PHF8: variants seen among roughly 807,000 people sequenced by gnomAD.
PHF8 encodes histone lysine demethylase PHF8.
In PHF8, 9 loss-of-function variants were observed where a neutral mutation model predicts 74.4. That is an observed-to-expected ratio of 0.12 (90% CI 0.07 to 0.21). PHF8 has a LOEUF of 0.21. Ranked by LOEUF, PHF8 falls within the 10% of genes least tolerant of loss-of-function variation. PHF8 has a pLI of 1.00. For missense variants in PHF8, 478 were observed against 816.6 expected (o/e 0.59, Z 5.05); for synonymous variants, 311 against 316.6 (o/e 0.98, Z 0.19).
At chrX:53,980,951 G>A (rs1353193738) in intron 18 of PHF8, among the ~76,000 whole-genome samples, 2 of 112,780 alleles carry the variant, frequency 1.8e-5, no homozygotes, top group Non-Finnish European at 3.7e-5. Context: ...GGTGGCTCGC[G>A]CCTGTAATCC....
intron 4 of PHF8, among the ~76,000 whole-genome samples, chrX:54,020,777 TA>T (rs56114966): frequency 1.5e-4 from 15 of 103,254 alleles, no homozygotes; most frequent in Non-Finnish European, 1.6e-4. Context: ...TGAAAAGAAG[TA>T]AAAAAAAAAA....
At chrX:53,964,798 C>T (rs1372266877) in intron 18 of PHF8, among the ~76,000 whole-genome samples, 9 of 101,580 alleles carry the variant, frequency 8.9e-5, no homozygotes, top group Middle Eastern at 4.8e-3. Context: ...ACCTTGGAGG[C>T]GGAGGTTGCA....
chrX:54,042,107 A>G (rs782208398), intron 2 of PHF8, among the ~76,000 whole-genome samples: 19 of 110,904 alleles, frequency 1.7e-4, no homozygotes, highest in Admixed American at 1.6e-3. Flanking sequence ...GTTCCAGACC[A>G]GCCTGATCAA....
intron 4 of PHF8, among the ~76,000 whole-genome samples, chrX:54,019,705 T>C (rs1161130755): frequency 7.8e-5 from 8 of 102,849 alleles, no homozygotes; most frequent in Non-Finnish European, 9.9e-5. Flanking sequence ...GCAGAATTGC[T>C]TGAACCCAGG....
At chrX:53,966,887 C>T (rs1239338528) in intron 18 of PHF8, among the ~76,000 whole-genome samples, 1 of 110,548 alleles carries the variant, frequency 9.0e-6, no homozygotes, top group East Asian at 2.9e-4. Flanking sequence ...CCCCGCCGCC[C>T]CGTCTGGGAT....
intron 18 of PHF8, 41 bp downstream of exon 18, chrX:53,984,873 G>A (rs1557098991): frequency 1.9e-6 from 2 of 1,051,750 alleles, no homozygotes; most frequent in Non-Finnish European, 2.7e-6. Flanking sequence ...GGACTGAGGA[G>A]ACCCCTTCTG....
chrX:54,038,249 G>C (rs1156892981), intron 2 of PHF8, among the ~76,000 whole-genome samples: 1 of 111,792 alleles, frequency 8.9e-6, no homozygotes, highest in Non-Finnish European at 1.9e-5. Flanking sequence ...CTTTAAAAAA[G>C]GTCGTTCCTC....
chrX:54,034,608 A>C (rs1439810356), intron 2 of PHF8, among the ~76,000 whole-genome samples: 1 of 110,128 alleles, frequency 9.1e-6, no homozygotes, highest in Non-Finnish European at 1.9e-5. Context: ...GGATCATTTG[A>C]GGTCAGGAGT....
At position 53,939,260 on chromosome X, in the gene PHF8, G is replaced by A; in HGVS notation, c.2987-14C>T. The A allele has an allele frequency of 1.7e-6, 2 of 1,195,658 alleles. No homozygotes were observed. The highest frequency in any genetic ancestry group is 2.3e-6 in the Non-Finnish European group (2 of 882,360). On this transcript the variant is annotated splice_polypyrimidine_tract_variant and intron_variant, in intron 21 of 21. Transcript: ENST00000338154. ...TGGGACGCTTTCCTGTGGGGGAAGGGAAAAGTAAGCAAGGGCTTTGGCAAG... is the reference window on the plus strand; with the variant it reads ...TGGGACGCTTTCCTGTGGGGGAAGGAAAAAGTAAGCAAGGGCTTTGGCAAG...
chrX:53,962,349 C>T (rs956554372), intron 19 of PHF8, among the ~76,000 whole-genome samples: 2 of 111,942 alleles, frequency 1.8e-5, no homozygotes, highest in Non-Finnish European at 3.8e-5. Flanking sequence ...GCCAAGGAGA[C>T]GAAGAAAATT....
intron 18 of PHF8, among the ~76,000 whole-genome samples, chrX:53,965,958 T>C (rs1349132303): frequency 9.0e-6 from 1 of 110,626 alleles, no homozygotes; most frequent in African/African-American, 3.3e-5. Flanking sequence ...AGCTCTGACA[T>C]TGTATTTACC....
intron 2 of PHF8, among the ~76,000 whole-genome samples, chrX:54,038,938 C>T (rs375802394): frequency 3.6e-5 from 4 of 109,944 alleles, no homozygotes; most frequent in East Asian, 2.9e-4. Flanking sequence ...AGTTCGAGAC[C>T]AGCCTGACCA....
At chrX:54,033,289 G>C (rs782412530) in intron 2 of PHF8, among the ~76,000 whole-genome samples, 1 of 111,773 alleles carries the variant, frequency 8.9e-6, no homozygotes, top group Non-Finnish European at 1.9e-5. Flanking sequence ...ATCACAACTC[G>C]AATAAGAAAA....
chrX:54,021,454 ATTTTTTTTTTTTTTTT>A (rs1156928686), intron 4 of PHF8, among the ~76,000 whole-genome samples: 5 of 42,173 alleles, frequency 1.2e-4, no homozygotes, highest in African/African-American at 2.2e-4. Flanking sequence ...AGTTGCAATT[ATTTTTTTTTTTTTTTT>A]TTTTTTTTTT....
intron 15 of PHF8, among the ~76,000 whole-genome samples, 154 bp from the exon 16 acceptor site, chrX:53,987,317 C>G (rs2065581313): frequency 1.8e-5 from 2 of 111,655 alleles, no homozygotes; most frequent in Admixed American, 9.6e-5. Context: ...ATCTTTAGAA[C>G]AAAGGAAACA....
chrX:53,977,622 A>C (rs1481100115), intron 18 of PHF8, among the ~76,000 whole-genome samples: 3 of 110,407 alleles, frequency 2.7e-5, no homozygotes, highest in East Asian at 2.8e-4. Flanking sequence ...AATGTAAAAC[A>C]ACCATTCTGG....
intron 7 of PHF8, among the ~76,000 whole-genome samples, chrX:54,013,051 G>A (rs1222164517): frequency 1.8e-5 from 2 of 110,662 alleles, no homozygotes; most frequent in Non-Finnish European, 1.9e-5. Context: ...CCAGGAGTGA[G>A]AGGCTGCAGT....
chrX:53,941,951 A>C (rs1488474961), intron 20 of PHF8, among the ~76,000 whole-genome samples: 1 of 111,668 alleles, frequency 9.0e-6, no homozygotes, highest in Admixed American at 9.5e-5. Context: ...TATTCTAACC[A>C]TACCAGGAAC....
intron 19 of PHF8, among the ~76,000 whole-genome samples, chrX:53,958,775 CA>C (rs1203323417): frequency 0.018 from 231 of 13,167 alleles, no homozygotes; most frequent in Middle Eastern, 0.038. Flanking sequence ...GACTCCCTCT[CA>C]AAAAAAAAAA....
Sources: gnomAD v4.1 joint callset for allele counts (sites outside exome capture counted in the v4.1 genomes callset) on GRCh38, gnomAD v4.1.1 for gene constraint, MANE v1.5 for transcripts, NCBI Gene and HGNC (gene_info 2026-07-23, HGNC 2026-07-21) for gene names.